Variants in NKAIN3 observed in about 807,000 individuals in gnomAD.
The protein encoded by NKAIN3 is sodium/potassium transporting ATPase interacting 3.
NKAIN3 carries 25 observed loss-of-function variants against 30.2 expected under a neutral mutation model. The observed-to-expected ratio is 0.83, with a 90% CI of 0.60 to 1.16. NKAIN3 has a LOEUF of 1.16. NKAIN3 is among the 50% of genes most tolerant of loss of function. The pLI is 0.00. For missense variants in NKAIN3, 225 were observed against 254.1 expected (o/e 0.89, Z 0.78); for synonymous variants, 91 against 89.6 (o/e 1.02, Z -0.09).
intron 4 of NKAIN3, among the ~76,000 whole-genome samples, chr8:62,910,351 A>G (rs763132480): frequency 7.9e-5 from 12 of 152,188 alleles, no homozygotes; most frequent in Admixed American, 4.6e-4. Flanking sequence ...ATCTATAACC[A>G]TCTTCACATA....
chr8:62,535,000 A>G (rs1051661933), intron 1 of NKAIN3, among the ~76,000 whole-genome samples: 5 of 152,088 alleles, frequency 3.3e-5, no homozygotes, highest in Non-Finnish European at 7.4e-5. Context: ...TTGGAATTCA[A>G]ATTGATTTGT....
At chr8:62,469,196 A>G (rs377668717) in intron 1 of NKAIN3, among the ~76,000 whole-genome samples, 2 of 152,176 alleles carry the variant, frequency 1.3e-5, no homozygotes, top group Non-Finnish European at 2.9e-5. Flanking sequence ...CTGATTTCTT[A>G]TCAACTCCAA....
Position 62,701,892 on chromosome 8 carries a change from G to A in NKAIN3, c.274-45040G>A, listed in dbSNP as rs17263497. Among the ~76,000 whole-genome samples the A allele has an allele frequency of 5.8e-3, 884 of 152,260 alleles. 10 individuals carry two copies. Among genetic ancestry groups the A allele is most frequent in the Non-Finnish European group, 5.3e-3 (359 of 68,014 alleles). On this transcript the variant is annotated intron_variant, in intron 3 of 6. Coordinates refer to ENST00000623646, the MANE Select transcript of NKAIN3 (RefSeq NM_001304533.3). ...CAAAGCGCGAACTCCGGGGGCTGAA[G>A]TCCACCTACGCTCCACTTAACCCCA...
intron 3 of NKAIN3, among the ~76,000 whole-genome samples, chr8:62,594,311 AC>A (rs1810753127): frequency 6.6e-6 from 1 of 152,044 alleles, no homozygotes. Context: ...AATTAAATTG[AC>A]ATCTATGTTT....
intron 1 of NKAIN3, among the ~76,000 whole-genome samples, chr8:62,490,058 T>C (rs1228210458): frequency 6.6e-6 from 1 of 152,256 alleles, no homozygotes; most frequent in Non-Finnish European, 1.5e-5. Flanking sequence ...AGGTAATTTA[T>C]TTACATTAAA....
At chr8:62,345,546 CAT>C (rs1322505230) in intron 1 of NKAIN3, among the ~76,000 whole-genome samples, 8 of 140,190 alleles carry the variant, frequency 5.7e-5, no homozygotes, top group South Asian at 2.2e-4. Context: ...CATATATACA[CAT>C]ATATGTATAT....
intron 4 of NKAIN3, among the ~76,000 whole-genome samples, chr8:62,812,638 A>G (rs572357668): frequency 6.6e-6 from 1 of 151,876 alleles, no homozygotes; most frequent in East Asian, 1.9e-4. Context: ...TTTTTCATAT[A>G]GACAATTATG....
rs146115738 is a variant in NKAIN3, at chr8:62,942,169, A to AAT, written c.533-11717_533-11716dup. Among the ~76,000 whole-genome samples, 486 of 142,138 alleles carry AAT rather than the reference A, an allele frequency of 3.4e-3. 2 individuals are homozygous for AAT. Among genetic ancestry groups the AAT allele is most frequent in the East Asian group, 0.016 (75 of 4,836 alleles). 93.2% of individuals were successfully genotyped at this position (142,138 alleles called of 152,430 possible). On this transcript the variant is annotated intron_variant, in intron 5 of 6. Transcript: ENST00000623646. ...AACTCAATCCTTTTACAATAGCTGC[A>AAT]ATATATATATATATATACACATATA...
chr8:62,267,098 T>C (rs993372246), intron 1 of NKAIN3, among the ~76,000 whole-genome samples: 3 of 152,236 alleles, frequency 2.0e-5, no homozygotes, highest in African/African-American at 7.2e-5. Context: ...ACATCCATCA[T>C]TGCTGTAGTA....
intron 3 of NKAIN3, among the ~76,000 whole-genome samples, chr8:62,676,455 G>T (rs1237714102): frequency 6.6e-6 from 1 of 152,208 alleles, no homozygotes; most frequent in African/African-American, 2.4e-5. Flanking sequence ...TGTAGTCCCA[G>T]CTACTCGGCA....
At chr8:62,538,776 CACA>C (rs1211679475) in intron 1 of NKAIN3, among the ~76,000 whole-genome samples, 1 of 152,128 alleles carries the variant, frequency 6.6e-6, no homozygotes, top group Admixed American at 6.5e-5. Context: ...GCACTTTTTC[CACA>C]ACGAGTTTTT....
intron 1 of NKAIN3, among the ~76,000 whole-genome samples, chr8:62,251,828 A>G (rs1249247377): frequency 6.6e-6 from 1 of 152,252 alleles, no homozygotes; most frequent in African/African-American, 2.4e-5. Context: ...TATACTTTAT[A>G]TAGCATTTCC....
intron 1 of NKAIN3, among the ~76,000 whole-genome samples, chr8:62,379,200 T>C (rs1183492906): frequency 6.6e-6 from 1 of 152,242 alleles, no homozygotes; most frequent in Non-Finnish European, 1.5e-5. Flanking sequence ...CCACTTGTAG[T>C]GGGTGTATTT....
At chr8:62,407,725 C>G (rs1012400439) in intron 1 of NKAIN3, among the ~76,000 whole-genome samples, 3 of 152,154 alleles carry the variant, frequency 2.0e-5, no homozygotes, top group Non-Finnish European at 2.9e-5. Flanking sequence ...GCCCCCGTGC[C>G]CAGCCTGACT....
At chr8:62,773,277 G>A (rs377117833) in intron 4 of NKAIN3, among the ~76,000 whole-genome samples, 4 of 152,016 alleles carry the variant, frequency 2.6e-5, no homozygotes, top group Non-Finnish European at 5.9e-5. Flanking sequence ...CTGTGTATGC[G>A]TTTCTGGTTT....
In NKAIN3 at chr8:62,467,659, C is replaced by T. The variant is rs1177495866; in HGVS notation, c.55-111880C>T. 2.6e-5 allele frequency among the ~76,000 whole-genome samples: 4 copies of T among 152,076 alleles called. No homozygotes were observed. The East Asian group carries it at 5.8e-4, about 22-fold the overall frequency. On this transcript the variant is annotated intron_variant, in intron 1 of 6. Coordinates refer to ENST00000623646, the MANE Select transcript of NKAIN3 (RefSeq NM_001304533.3). Reference sequence around the variant, plus strand: ...ATATAAAATAGGTTGTGTTTATGTCCTTTTCTCTCAGTGAATTATTTTTAC... The same window carrying T: ...ATATAAAATAGGTTGTGTTTATGTCTTTTTCTCTCAGTGAATTATTTTTAC...
downstream of NKAIN3, among the ~76,000 whole-genome samples, chr8:62,989,153 C>T (rs539536985): frequency 5.3e-5 from 8 of 152,324 alleles, no homozygotes; most frequent in East Asian, 1.5e-3. Context: ...AAGTTCCAAA[C>T]TTTCTCACAT....
At position 62,968,162 on chromosome 8, in the gene NKAIN3, T is replaced by A. The variant is rs1440415769; in HGVS notation, c.*2755T>A. Among the ~76,000 whole-genome samples the A allele has an allele frequency of 6.6e-6, 1 of 152,170 alleles. No individual in the cohort carries two copies. The highest frequency in any genetic ancestry group is 2.4e-5 in the African/African-American group (1 of 41,442). ...TTGATCTGCCACCTCCTCTTCTCTC[T>A]TTTCTTCTCCCTGCCTTTCATCTTC... On this transcript the variant is annotated 3_prime_UTR_variant, in exon 7 of 7. Coordinates refer to ENST00000623646, the MANE Select transcript of NKAIN3 (RefSeq NM_001304533.3).
chr8:62,394,976 G>A (rs1204986222), intron 1 of NKAIN3, among the ~76,000 whole-genome samples: 1 of 150,626 alleles, frequency 6.6e-6, no homozygotes, highest in Non-Finnish European at 1.5e-5. Context: ...TCACTTCCCA[G>A]ACGGGTCGGC....
Sources: gnomAD v4.1 joint callset for allele counts (sites outside exome capture counted in the v4.1 genomes callset) on GRCh38, gnomAD v4.1.1 for gene constraint, MANE v1.5 for transcripts, NCBI Gene and HGNC (gene_info 2026-07-23, HGNC 2026-07-21) for gene names.